Variants in PTPRN2 observed in about 807,000 individuals in gnomAD.
The protein encoded by PTPRN2 is protein tyrosine phosphatase receptor type N2.
A neutral mutation model predicts 118.8 loss-of-function variants in PTPRN2; 74 were observed. The ratio of observed to expected loss-of-function variants is 0.62; its 90% CI spans 0.52 to 0.76. PTPRN2 has a LOEUF of 0.76. Ranked by LOEUF, PTPRN2 falls within the 30% of genes least tolerant of loss-of-function variation. The probability of loss-of-function intolerance (pLI) is 0.00; values close to 1 mark genes in which losing one functional copy is unlikely to be tolerated. For missense variants in PTPRN2, 1,481 were observed against 1,394.4 expected (o/e 1.06, Z -0.99); for synonymous variants, 641 against 608.0 (o/e 1.05, Z -0.80).
At chr7:158,097,325 A>C (rs1814713545) in intron 10 of PTPRN2, among the ~76,000 whole-genome samples, 2 of 152,086 alleles carry the variant, frequency 1.3e-5, no homozygotes, top group African/African-American at 4.8e-5. Context: ...GTGCACAGAG[A>C]AGACCCCAAC....
At chr7:158,293,224 T>C (rs947999704) in intron 3 of PTPRN2, among the ~76,000 whole-genome samples, 3 of 152,142 alleles carry the variant, frequency 2.0e-5, no homozygotes, top group African/African-American at 7.2e-5. Flanking sequence ...CAACACTGTA[T>C]ACTTAGGCTA....
intron 12 of PTPRN2, among the ~76,000 whole-genome samples, chr7:157,710,095 G>A (rs191535300): frequency 3.9e-5 from 6 of 152,204 alleles, no homozygotes; most frequent in Admixed American, 2.6e-4. Context: ...ACACAGGGTC[G>A]GCCGTGAGGA....
chr7:158,372,855 G>A (rs1447112581), intron 2 of PTPRN2, among the ~76,000 whole-genome samples: 1 of 152,224 alleles, frequency 6.6e-6, no homozygotes, highest in African/African-American at 2.4e-5. Context: ...CTGACAGGCA[G>A]AGTTCTCCAG....
intron 2 of PTPRN2, among the ~76,000 whole-genome samples, chr7:158,393,490 C>G (rs1812100384): frequency 6.6e-6 from 1 of 152,192 alleles, no homozygotes. Context: ...AAAGGACACT[C>G]TGAGCCTGAC....
intron 2 of PTPRN2, among the ~76,000 whole-genome samples, chr7:158,386,709 C>A (rs1811413586): frequency 6.6e-6 from 1 of 152,198 alleles, no homozygotes; most frequent in Non-Finnish European, 1.5e-5. Flanking sequence ...TGTAGATGTA[C>A]AACCTACCAG....
chr7:158,319,416 T>TCCCCC lies in PTPRN2; in HGVS notation c.164-2485_164-2484insGGGGG, dbSNP rs1488804383. Among the ~76,000 whole-genome samples, 292 of 66,184 alleles carry TCCCCC rather than the reference T, an allele frequency of 4.4e-3. 10 individuals carry two copies. The highest frequency in any genetic ancestry group is 0.015 in the African/African-American group (205 of 14,010). 43.4% of individuals were successfully genotyped at this position (66,184 alleles called of 152,430 possible). ...CAGCCTCCCACACACACACACAGCC[T>TCCCCC]CCCACACACACACACACACAGCCTC... On this transcript the variant is annotated intron_variant, in intron 2 of 22. Transcript: ENST00000389418.
intron 2 of PTPRN2, among the ~76,000 whole-genome samples, chr7:158,392,165 T>C (rs968021213): frequency 3.9e-5 from 6 of 152,116 alleles, no homozygotes; most frequent in Non-Finnish European, 8.8e-5. Flanking sequence ...GGACCTCCCC[T>C]CTCCCTCCCT....
At chr7:158,086,662 TA>T (rs757374718) in intron 10 of PTPRN2, among the ~76,000 whole-genome samples, 34 of 152,360 alleles carry the variant, frequency 2.2e-4, no homozygotes, top group Non-Finnish European at 4.7e-4. Context: ...AGCCTTGTTT[TA>T]CAGTATGAGC....
intron 12 of PTPRN2, among the ~76,000 whole-genome samples, chr7:157,718,883 G>T (rs568735472): frequency 6.6e-6 from 1 of 152,166 alleles, no homozygotes; most frequent in Non-Finnish European, 1.5e-5. Context: ...AACCCACCTT[G>T]TCGCTGTGGC....
chr7:157,561,187 T>C (rs866095645), intron 21 of PTPRN2, among the ~76,000 whole-genome samples: 2 of 152,098 alleles, frequency 1.3e-5, no homozygotes, highest in Non-Finnish European at 2.9e-5. Flanking sequence ...CCTCTGGTTC[T>C]GCACTGCCCA....
intron 12 of PTPRN2, among the ~76,000 whole-genome samples, chr7:157,812,839 T>C (rs1453627118): frequency 6.6e-6 from 1 of 152,054 alleles, no homozygotes; most frequent in Non-Finnish European, 1.5e-5. Context: ...AGGGCTGGTA[T>C]GTTGAGAATT....
chr7:157,876,278 C>T (rs1795763183), intron 12 of PTPRN2, among the ~76,000 whole-genome samples: 1 of 152,142 alleles, frequency 6.6e-6, no homozygotes, highest in Non-Finnish European at 1.5e-5. Context: ...GTAAGGCGGA[C>T]AGGGCTGACC....
rs557127879 is a variant in PTPRN2, at chr7:158,471,993, C to T, written c.163+17742G>A. Among the ~76,000 whole-genome samples, 882 of 151,944 alleles carry T rather than the reference C, an allele frequency of 5.8e-3. 12 individuals are homozygous for T. Among genetic ancestry groups the T allele is most frequent in the African/African-American group, 0.02 (811 of 41,396 alleles). On this transcript the variant is annotated intron_variant, in intron 2 of 22. Coordinates refer to ENST00000389418, the MANE Select transcript of PTPRN2 (RefSeq NM_002847.5). ...TTCCGGCCCCGCCACGGTTCCGGCC[C>T]CGCCACGGTTCCGGCCTCGCCACGG...
rs1267378011 is a variant in PTPRN2, at chr7:158,330,820, G to A, written c.164-13888C>T. ...ACTCTCACCATAAGAGCTGACACCC[G>A]CAGACGTCACTCACATCCACATTCT... On this transcript the variant is annotated intron_variant, in intron 2 of 22. Transcript: ENST00000389418. 1.6e-4 allele frequency among the ~76,000 whole-genome samples: 16 copies of A among 99,956 alleles called. 1 individual carries two copies. The highest frequency in any genetic ancestry group is 1.3e-3 in the South Asian group (3 of 2,284). The allele number at this position is 99,956 out of a possible 152,430, so 65.6% of individuals were successfully genotyped here.
intron 2 of PTPRN2, among the ~76,000 whole-genome samples, chr7:158,406,530 C>T (rs1223616762): frequency 6.6e-6 from 1 of 152,262 alleles, no homozygotes; most frequent in Non-Finnish European, 1.5e-5. Context: ...GAAGGAAGAG[C>T]TGGTCATGCC....
chr7:158,051,623 C>T (rs897703587), intron 11 of PTPRN2, among the ~76,000 whole-genome samples: 7 of 152,228 alleles, frequency 4.6e-5, no homozygotes, highest in African/African-American at 1.7e-4. Flanking sequence ...CCCCGGCGAG[C>T]GCCCGCCACC....
chr7:157,758,267 AGTCCAGGCCT>A (rs1311185636), intron 12 of PTPRN2, among the ~76,000 whole-genome samples: 1 of 152,232 alleles, frequency 6.6e-6, no homozygotes, highest in Non-Finnish European at 1.5e-5. Flanking sequence ...TGTTGCCCAC[AGTCCAGGCCT>A]GTCCAGGCGC....
At chr7:158,307,811 GC>G (rs1472026649) in intron 3 of PTPRN2, among the ~76,000 whole-genome samples, 3 of 152,150 alleles carry the variant, frequency 2.0e-5, no homozygotes, top group African/African-American at 4.8e-5. Context: ...TGAGGGCTCT[GC>G]CCTCATGAAT....
intron 17 of PTPRN2, among the ~76,000 whole-genome samples, chr7:157,593,314 A>G (rs1249601020): frequency 2.2e-4 from 27 of 123,670 alleles, no homozygotes; most frequent in Middle Eastern, 6.5e-3. Context: ...CCTGCTGAAC[A>G]GAGGGTGGAT....
Sources: gnomAD v4.1 joint callset for allele counts (sites outside exome capture counted in the v4.1 genomes callset) on GRCh38, gnomAD v4.1.1 for gene constraint, MANE v1.5 for transcripts, NCBI Gene and HGNC (gene_info 2026-07-23, HGNC 2026-07-21) for gene names.